HS1BP3: variants seen among roughly 807,000 people sequenced by gnomAD.
HS1BP3 encodes HCLS1-binding protein 3.
A neutral mutation model predicts 33.5 loss-of-function variants in HS1BP3; 32 were observed. The observed-to-expected ratio is 0.95, with a 90% confidence interval of 0.72 to 1.28. HS1BP3 has a LOEUF of 1.28. Ranked by LOEUF, HS1BP3 falls within the 50% of genes most tolerant of loss-of-function variation. The probability of loss-of-function intolerance (pLI) is 0.00; values close to 1 mark genes in which losing one functional copy is unlikely to be tolerated. For missense variants in HS1BP3, 486 were observed against 502.3 expected (o/e 0.97, Z 0.31); for synonymous variants, 187 against 209.2 (o/e 0.89, Z 0.92).
chr2:20,612,851 T>C (rs1190914914), downstream of HS1BP3, among the ~76,000 whole-genome samples: 4 of 152,234 alleles, frequency 2.6e-5, no homozygotes, highest in African/African-American at 9.6e-5. Flanking sequence ...TGCTGATTTG[T>C]GTGGTACATT....
At chr2:20,573,025 A>C (rs1693312775) in intron 5 of HS1BP3, among the ~76,000 whole-genome samples, 1 of 152,252 alleles carries the variant, frequency 6.6e-6, no homozygotes, top group Non-Finnish European at 1.5e-5. Flanking sequence ...AGTACCCCCA[A>C]GATAACAGAC....
At chr2:20,609,640 C>T (rs1694274757) in intron 2 of HS1BP3, among the ~76,000 whole-genome samples, 2 of 152,168 alleles carry the variant, frequency 1.3e-5, no homozygotes, top group African/African-American at 4.8e-5. Context: ...GTTAATTCTC[C>T]CCATTCACCT....
chr2:20,582,642 A>G (rs142183978), intron 5 of HS1BP3, among the ~76,000 whole-genome samples: 24 of 151,814 alleles, frequency 1.6e-4, no homozygotes, highest in African/African-American at 5.8e-4. Flanking sequence ...GACCCCACCC[A>G]CCCTCTTTCC....
intron 5 of HS1BP3, among the ~76,000 whole-genome samples, chr2:20,571,087 C>T (rs544823245): frequency 2.3e-4 from 35 of 152,268 alleles, no homozygotes; most frequent in Admixed American, 7.8e-4. Flanking sequence ...CATCTTCTTC[C>T]GCTGCTCTGA....
chr2:20,592,224 C>A (rs1231824512), downstream of HS1BP3, among the ~76,000 whole-genome samples: 1 of 152,168 alleles, frequency 6.6e-6, no homozygotes, highest in Non-Finnish European at 1.5e-5. Flanking sequence ...TTTTGGGAGG[C>A]TGAGGCACTA....
At chr2:20,561,147 TTC>T (rs1300330355) in intron 5 of HS1BP3, among the ~76,000 whole-genome samples, 3 of 152,204 alleles carry the variant, frequency 2.0e-5, no homozygotes, top group Admixed American at 6.5e-5. Flanking sequence ...GGTTTGCTTA[TTC>T]TCTGTCACAC....
chr2:20,578,480 C>T (rs559178599), intron 5 of HS1BP3, among the ~76,000 whole-genome samples: 4 of 152,324 alleles, frequency 2.6e-5, no homozygotes, highest in African/African-American at 4.8e-5. Context: ...CTTGGACAAC[C>T]GGGGCAGTTC....
chr2:20,646,784 C>T (rs1463791792), intron 1 of HS1BP3, among the ~76,000 whole-genome samples: 1 of 152,226 alleles, frequency 6.6e-6, no homozygotes, highest in Admixed American at 6.5e-5. Flanking sequence ...GAAGGTGAGG[C>T]TGGATGCTGA....
intron 5 of HS1BP3, among the ~76,000 whole-genome samples, chr2:20,569,480 G>C (rs1417896064): frequency 2.0e-5 from 3 of 151,828 alleles, no homozygotes; most frequent in African/African-American, 7.3e-5. Context: ...CTAAATTTGA[G>C]TTTTAGATGA....
intron 4 of HS1BP3, chr2:20,635,876 C>T (rs1200769776): frequency 6.6e-6 from 1 of 152,138 alleles, no homozygotes; most frequent in African/African-American, 2.4e-5. Flanking sequence ...CTAATCAAAA[C>T]CAGGTTTAAA....
intron 5 of HS1BP3, among the ~76,000 whole-genome samples, chr2:20,583,705 C>G (rs954267934): frequency 2.2e-4 from 34 of 152,188 alleles, no homozygotes; most frequent in African/African-American, 5.6e-4. Flanking sequence ...GTGAGTCCCC[C>G]AGTAGAGGAA....
chr2:20,627,915 G>A (rs1039506762), intron 4 of HS1BP3, among the ~76,000 whole-genome samples: 10 of 152,196 alleles, frequency 6.6e-5, no homozygotes, highest in African/African-American at 2.4e-4. Context: ...GCGATGGATG[G>A]AGGGGAGGAG....
chr2:20,561,765 C>T (rs2149269509), intron 5 of HS1BP3, among the ~76,000 whole-genome samples: 1 of 152,262 alleles, frequency 6.6e-6, no homozygotes, highest in African/African-American at 2.4e-5. Flanking sequence ...CCTTAAAACC[C>T]TTGGAATTGC....
chr2:20,648,136 C>T (rs1010728179), intron 1 of HS1BP3, among the ~76,000 whole-genome samples: 2 of 152,188 alleles, frequency 1.3e-5, no homozygotes, highest in Non-Finnish European at 2.9e-5. Flanking sequence ...CCCTCTTTTT[C>T]GCACCATCGA....
intron 4 of HS1BP3, among the ~76,000 whole-genome samples, chr2:20,630,901 G>T (rs1290430483): frequency 6.6e-6 from 1 of 152,204 alleles, no homozygotes; most frequent in Non-Finnish European, 1.5e-5. Context: ...GGGAGGGTCT[G>T]TGGGAATTGT....
Position 20,600,315 on chromosome 2 carries a change from G to C in HS1BP3, c.179-2050C>G, listed in dbSNP as rs114426263. ...GCCTAAGAATCCTGCTTCCACTGAG[G>C]GCGAGGTTGGCTGAGGTCAGACAAA... is the stretch of plus-strand genomic sequence containing the variant. On this transcript the variant is annotated intron_variant, in intron 2 of 3. Coordinates refer to the HS1BP3 transcript ENST00000415264. Among the ~76,000 whole-genome samples the C allele has an allele frequency of 2.6e-3, 394 of 152,240 alleles. 1 individual carries two copies. Among genetic ancestry groups the C allele is most frequent in the African/African-American group, 8.7e-3 (361 of 41,508 alleles).
intron 2 of HS1BP3, among the ~76,000 whole-genome samples, chr2:20,601,376 A>G (rs1353045821): frequency 6.6e-6 from 1 of 152,222 alleles, no homozygotes; most frequent in African/African-American, 2.4e-5. Flanking sequence ...CATCTTGGAA[A>G]AACACACATG....
At chr2:20,630,632 C>A (rs926078711) in intron 4 of HS1BP3, among the ~76,000 whole-genome samples, 6 of 152,098 alleles carry the variant, frequency 3.9e-5, no homozygotes, top group African/African-American at 1.4e-4. Context: ...AAATTCACAC[C>A]AGGACAATGT....
intron 5 of HS1BP3, among the ~76,000 whole-genome samples, chr2:20,585,378 C>T (rs555640384): frequency 1.3e-5 from 2 of 152,242 alleles, no homozygotes; most frequent in African/African-American, 2.4e-5. Flanking sequence ...CTTTTACTCT[C>T]GAGTGTCCCG....
Sources: gnomAD v4.1 joint callset for allele counts (sites outside exome capture counted in the v4.1 genomes callset) on GRCh38, gnomAD v4.1.1 for gene constraint, MANE v1.5 for transcripts, NCBI Gene and HGNC (gene_info 2026-07-23, HGNC 2026-07-21) for gene names.